ZNF431: variants seen among roughly 807,000 people sequenced by gnomAD.
ZNF431 encodes the protein zinc finger protein 431.
In ZNF431, 34 loss-of-function variants were observed where a neutral mutation model predicts 57.0. That is an observed-to-expected ratio of 0.60 (90% CI 0.45 to 0.79). The LOEUF is 0.79. Among genes scored for constraint, ZNF431 ranks in the 30% least tolerant of loss-of-function variants. The pLI is 0.00. For synonymous variants in ZNF431, 207 were observed against 220.3 expected, an observed-to-expected ratio of 0.94 and a Z score of 0.54; for missense variants, 607 against 667.1, an observed-to-expected ratio of 0.91 and a Z score of 0.99.
intron 2 of ZNF431, chr19:21,150,430 T>C: frequency 3.9e-6 from 1 of 255,830 alleles, no homozygotes; most frequent in East Asian, 1.1e-4. Flanking sequence ...CCTTCTTTCC[T>C]TTTGGCATCT....
chr19:21,189,639 G>A lies in ZNF431; in HGVS notation c.*5605G>A. The A allele has an allele frequency of 2.8e-6, 1 of 354,172 alleles. No homozygotes were observed. Among genetic ancestry groups the A allele is most frequent in the African/African-American group, 2.1e-5 (1 of 47,670 alleles). 21.9% of individuals were successfully genotyped at this position (354,172 alleles called of 1,614,324 possible). A position where few individuals can be genotyped will look rare whatever the true frequency, so the allele number is the denominator to read the frequency against. On this transcript the variant is annotated 3_prime_UTR_variant, in exon 5 of 5. Coordinates refer to ENST00000311048, the MANE Select transcript of ZNF431 (RefSeq NM_133473.4). ...ATTTCTTCCATTTGACTATAATTATGTATTATTTCACAAACATGTTTCCAG... is the reference window on the plus strand; with the variant it reads ...ATTTCTTCCATTTGACTATAATTATATATTATTTCACAAACATGTTTCCAG...
chr19:21,177,009 T>G (rs1971074580), intron 4 of ZNF431, among the ~76,000 whole-genome samples: 1 of 152,206 alleles, frequency 6.6e-6, no homozygotes, highest in African/African-American at 2.4e-5. Context: ...TAATTACTTT[T>G]GCTGTGCAGT....
chr19:21,174,384 C>T (rs533926330), intron 4 of ZNF431, among the ~76,000 whole-genome samples: 40 of 152,158 alleles, frequency 2.6e-4, no homozygotes, highest in Admixed American at 4.6e-4. Flanking sequence ...CCTTTGTCAA[C>T]GTTTGCTTTA....
chr19:21,179,445 TATG>T (rs964899307), intron 4 of ZNF431, among the ~76,000 whole-genome samples: 14 of 152,182 alleles, frequency 9.2e-5, no homozygotes, highest in African/African-American at 3.4e-4. Flanking sequence ...TTCTTTTAGT[TATG>T]ATGTTAGGGT....
intron 2 of ZNF431, among the ~76,000 whole-genome samples, chr19:21,162,966 G>C (rs996843450): frequency 1.3e-5 from 2 of 151,440 alleles, no homozygotes; most frequent in African/African-American, 4.9e-5. Context: ...CCTCCTATCT[G>C]TCTATATTTA....
chr19:21,158,950 T>C (rs191810111), intron 2 of ZNF431, among the ~76,000 whole-genome samples: 1 of 150,790 alleles, frequency 6.6e-6, no homozygotes, highest in East Asian at 2.0e-4. Flanking sequence ...ATGTTGGCTG[T>C]AAGTTTGTCA....
At chr19:21,153,847 G>A (rs963084092) in intron 2 of ZNF431, among the ~76,000 whole-genome samples, 1 of 152,050 alleles carries the variant, frequency 6.6e-6, no homozygotes, top group Non-Finnish European at 1.5e-5. Context: ...CTCCCTAGTA[G>A]CTGGGATTAC....
At chr19:21,143,757 T>C (rs1028616006) in intron 2 of ZNF431, 114 bp downstream of exon 2, 11 of 698,366 alleles carry the variant, frequency 1.6e-5, no homozygotes, top group Admixed American at 1.2e-4. Context: ...ACAGAAATAA[T>C]GTATGCCCCC....
At chr19:21,165,706 G>GT (rs1285432750) in intron 2 of ZNF431, among the ~76,000 whole-genome samples, 2 of 150,984 alleles carry the variant, frequency 1.3e-5, no homozygotes, top group Non-Finnish European at 3.0e-5. Flanking sequence ...TTTTTCTTAG[G>GT]TTTTTTTGTT....
chr19:21,169,730 G>A (rs1791467583), intron 4 of ZNF431: 1 of 398,498 alleles, frequency 2.5e-6, no homozygotes, highest in Non-Finnish European at 4.4e-6. Flanking sequence ...GCCCTATCAG[G>A]ATGTGAATGG....
At chr19:21,146,931 T>C (rs2144924029) in intron 2 of ZNF431, among the ~76,000 whole-genome samples, 1 of 152,318 alleles carries the variant, frequency 6.6e-6, no homozygotes, top group African/African-American at 2.4e-5. Context: ...GGGATGAAGA[T>C]CCATTTTCTG....
In ZNF431 at chr19:21,184,220, C is replaced by T. The variant is rs1021071031; in HGVS notation, c.*186C>T. ...CAAAAATTATCTGGGTGTGGTGGCA[C>T]GTGCCTGTATTCCCATCTACTCGGG... On this transcript the variant is annotated 3_prime_UTR_variant, in exon 5 of 5. Transcript: ENST00000311048. 7.5e-5 allele frequency: 39 copies of T among 518,006 alleles called. No individual in the cohort carries two copies. The highest frequency in any genetic ancestry group is 5.8e-5 in the African/African-American group (3 of 51,950). The allele number at this position is 518,006 out of a possible 1,614,324, so 32.1% of individuals were successfully genotyped here.
intron 2 of ZNF431, chr19:21,149,863 G>A: frequency 1.5e-6 from 1 of 648,672 alleles, no homozygotes; most frequent in Non-Finnish European, 2.9e-6. Context: ...TCTTCCTGTG[G>A]ACTAGACGTC....
chr19:21,154,003 G>A (rs1026046716), intron 2 of ZNF431, among the ~76,000 whole-genome samples: 1 of 152,188 alleles, frequency 6.6e-6, no homozygotes, highest in Admixed American at 6.5e-5. Flanking sequence ...GGCATGAGCC[G>A]CCGCACCCAT....
intron 4 of ZNF431, among the ~76,000 whole-genome samples, chr19:21,179,561 C>CTTT (rs537364359): frequency 7.3e-6 from 1 of 137,102 alleles, no homozygotes. Context: ...GTTACATTGT[C>CTTT]TTTTTTTTTT....
intron 4 of ZNF431, among the ~76,000 whole-genome samples, chr19:21,172,130 G>A (rs554011100): frequency 5.5e-5 from 1 of 18,154 alleles, no homozygotes; most frequent in African/African-American, 2.5e-4. Context: ...AAAATTAATT[G>A]TTGTAAAAAC....
intron 2 of ZNF431, among the ~76,000 whole-genome samples, chr19:21,159,845 A>G (rs1217266730): frequency 6.6e-6 from 1 of 151,918 alleles, no homozygotes. Flanking sequence ...CAATTTTGGA[A>G]CTTGTTGGCC....
intron 3 of ZNF431, 24 bp downstream of exon 3, chr19:21,166,485 T>G: frequency 6.3e-7 from 1 of 1,582,064 alleles, no homozygotes; most frequent in South Asian, 1.2e-5. Flanking sequence ...TCATACACAA[T>G]TCTTAATATG....
intron 2 of ZNF431, chr19:21,149,706 G>T: frequency 1.7e-6 from 1 of 602,718 alleles, no homozygotes; most frequent in Non-Finnish European, 3.1e-6. Context: ...GGCGATCTGA[G>T]CCACAGACTT....
Sources: allele counts gnomAD v4.1 joint callset (sites outside exome capture counted in the v4.1 genomes callset), GRCh38; gene constraint gnomAD v4.1.1; transcripts MANE v1.5; gene names NCBI Gene and HGNC (gene_info 2026-07-23, HGNC 2026-07-21).